EIF5B: variants seen among roughly 807,000 people sequenced by gnomAD.
The protein encoded by EIF5B is eIF-5B.
A neutral mutation model predicts 147.5 loss-of-function variants in EIF5B; 47 were observed. The ratio of observed to expected loss-of-function variants is 0.32; its 90% confidence interval spans 0.25 to 0.41. The LOEUF (loss-of-function observed/expected upper bound fraction) is 0.41, where lower values mean the gene tolerates loss of function less well. Among genes scored for constraint, EIF5B ranks in the 10% least tolerant of loss-of-function variants. The probability of loss-of-function intolerance (pLI) is 1.00; values close to 1 mark genes in which losing one functional copy is unlikely to be tolerated. For synonymous variants in EIF5B, 455 were observed against 456.2 expected (o/e 1.00, Z 0.03); for missense variants, 1,064 against 1,413.2 (o/e 0.75, Z 3.96).
chr2:99,340,057 A>G (rs531323466), intron 1 of EIF5B, among the ~76,000 whole-genome samples: 1 of 152,192 alleles, frequency 6.6e-6, no homozygotes, highest in Non-Finnish European at 1.5e-5. Context: ...GTGTGTATAA[A>G]TGCCTCATGG....
At chr2:99,378,924 TG>T in intron 10 of EIF5B, 94 bp from the exon 11 acceptor site, 1 of 914,830 alleles carries the variant, frequency 1.1e-6, no homozygotes, top group South Asian at 2.3e-5. Context: ...GGATGCAGGT[TG>T]TAGCATTCTT....
At chr2:99,386,226 C>G (rs962645994) in intron 14 of EIF5B, among the ~76,000 whole-genome samples, 2 of 152,166 alleles carry the variant, frequency 1.3e-5, no homozygotes, top group African/African-American at 4.8e-5. Flanking sequence ...TAGTTTGTTT[C>G]CACAGTGACT....
intron 1 of EIF5B, 132 bp from the exon 2 acceptor site, chr2:99,360,104 G>A: frequency 8.9e-7 from 1 of 1,121,852 alleles, no homozygotes. Flanking sequence ...GTGTTGTAAT[G>A]AAAGAACTTG....
chr2:99,381,253 CGTT>C (rs1384210839), intron 12 of EIF5B, among the ~76,000 whole-genome samples: 5 of 152,234 alleles, frequency 3.3e-5, no homozygotes, highest in South Asian at 2.1e-4. Context: ...CTTGAACTCT[CGTT>C]GTTATTTTAG....
chr2:99,372,971 C>G (rs182295488), intron 9 of EIF5B, among the ~76,000 whole-genome samples: 344 of 152,094 alleles, frequency 2.3e-3, no homozygotes, highest in Admixed American at 3.3e-3. Flanking sequence ...AATCTCCCAT[C>G]ATGATTGTAG....
chr2:99,398,909 G>A lies in EIF5B; in HGVS notation c.3555G>A (p.Lys1185=), dbSNP rs200222538. The A allele has an allele frequency of 6.2e-7, 1 of 1,611,746 alleles. No homozygotes were observed. The highest frequency in any genetic ancestry group is 1.3e-5 in the African/African-American group (1 of 74,826). The change falls in exon 23 of 24, where the codon AAG becomes AAA. Residue 1185 remains lysine (K), a splice_region_variant and synonymous_variant. Transcript: ENST00000289371. ...HFEATDILVS[K]ISRQSIDALK... Reference sequence around the variant, plus strand: ...AAGCTACAGATATTCTTGTTAGTAAGGTAAGTATTTCAGCAAAAGTGGCAC... The same window carrying A: ...AAGCTACAGATATTCTTGTTAGTAAAGTAAGTATTTCAGCAAAAGTGGCAC...
chr2:99,363,961 T>C, intron 5 of EIF5B, 99 bp downstream of exon 5: 1 of 1,266,824 alleles, frequency 7.9e-7, no homozygotes, highest in Admixed American at 2.4e-5. Context: ...AATTTCATAG[T>C]TGCATGGTAA....
chr2:99,399,188 C>G, intron 23 of EIF5B, 119 bp from the exon 24 acceptor site: 2 of 989,858 alleles, frequency 2.0e-6, no homozygotes, highest in Non-Finnish European at 3.0e-6. Flanking sequence ...GCAGGCAAGC[C>G]CTGTTTTTTA....
At chr2:99,339,937 GGTTT>G (rs1005744746) in intron 1 of EIF5B, among the ~76,000 whole-genome samples, 12 of 151,744 alleles carry the variant, frequency 7.9e-5, no homozygotes, top group East Asian at 1.9e-4. Flanking sequence ...TTGTTGTTTT[GGTTT>G]GTTTGTTTTT....
At position 99,361,682 on chromosome 2, in the gene EIF5B, A is replaced by G; in HGVS notation, c.781A>G (p.Thr261Ala). ...RKLKEKEELE[T>A]GKKDQSKQKE... Reference sequence around the variant, plus strand: ...GCTGAAAGAAAAAGAAGAGTTAGAAACAGGTAAAAAGGATCAGAGTAAACA... The same window carrying G: ...GCTGAAAGAAAAAGAAGAGTTAGAAGCAGGTAAAAAGGATCAGAGTAAACA... The change falls in exon 4 of 24, where the codon ACA becomes GCA. Residue 261 changes from threonine (T) to alanine (A), a missense_variant. Thr to Ala is a moderately conservative substitution (Grantham distance 58). Coordinates refer to ENST00000289371, the MANE Select transcript of EIF5B (RefSeq NM_015904.4). 1 of 1,601,454 alleles carries G rather than the reference A, an allele frequency of 6.2e-7. No homozygotes were observed. The highest frequency in any genetic ancestry group is 8.5e-7 in the Non-Finnish European group (1 of 1,177,196).
chr2:99,338,182 T>G (rs992311533), intron 1 of EIF5B: 7 of 519,104 alleles, frequency 1.3e-5, no homozygotes, highest in East Asian at 7.2e-5. Flanking sequence ...TGTTTTTTTT[T>G]GTCGTTTCTT....
intron 18 of EIF5B, among the ~76,000 whole-genome samples, chr2:99,394,024 G>A (rs939909502): frequency 2.0e-5 from 3 of 152,124 alleles, no homozygotes; most frequent in Admixed American, 1.3e-4. Flanking sequence ...CAAGTGGAGC[G>A]GAGATTAAAC....
At chr2:99,378,391 G>A (rs1484797030) in intron 10 of EIF5B, among the ~76,000 whole-genome samples, 1 of 152,150 alleles carries the variant, frequency 6.6e-6, no homozygotes, top group Non-Finnish European at 1.5e-5. Context: ...TAAATGCAAC[G>A]GAGAAGCACG....
intron 1 of EIF5B, among the ~76,000 whole-genome samples, chr2:99,344,703 C>T (rs1404684151): frequency 6.6e-6 from 1 of 152,128 alleles, no homozygotes; most frequent in Non-Finnish European, 1.5e-5. Context: ...TCCCAAAGTA[C>T]TGGGATTATA....
At chr2:99,343,925 C>CT (rs201949416) in intron 1 of EIF5B, among the ~76,000 whole-genome samples, 1,879 of 146,958 alleles carry the variant, frequency 0.013, 14 homozygotes, top group Middle Eastern at 0.025. Context: ...CATCTGCATT[C>CT]TTTTTTTTTT....
chr2:99,343,529 T>C (rs13028682), intron 1 of EIF5B, among the ~76,000 whole-genome samples: 12 of 152,132 alleles, frequency 7.9e-5, no homozygotes, highest in Admixed American at 2.6e-4. Flanking sequence ...TTAAGAGTTT[T>C]ATTGCTGGCC....
chr2:99,359,591 G>A (rs577653423), intron 1 of EIF5B, among the ~76,000 whole-genome samples: 11 of 152,270 alleles, frequency 7.2e-5, no homozygotes, highest in Non-Finnish European at 1.5e-4. Context: ...GGTAGGTGAC[G>A]ACATTGTTGG....
At chr2:99,371,626 T>G in intron 8 of EIF5B, 30 bp from the exon 9 acceptor site, 2 of 1,589,148 alleles carry the variant, frequency 1.3e-6, no homozygotes, top group Non-Finnish European at 1.7e-6. Context: ...AAATAATTTT[T>G]GTGTCTTAAA....
chr2:99,340,895 A>G (rs2094257951), intron 1 of EIF5B, among the ~76,000 whole-genome samples: 2 of 151,740 alleles, frequency 1.3e-5, no homozygotes, highest in Admixed American at 1.3e-4. Context: ...TCAGCCTCTC[A>G]AGTAGCTGGG....
Sources: allele counts gnomAD v4.1 joint callset (sites outside exome capture counted in the v4.1 genomes callset), GRCh38; gene constraint gnomAD v4.1.1; transcripts MANE v1.5; gene names NCBI Gene and HGNC (gene_info 2026-07-23, HGNC 2026-07-21).